The following SECISBP2 variants were observed in gnomAD, a reference collection of about 807,000 sequenced individuals.
SECISBP2 encodes the protein selenocysteine insertion sequence-binding protein 2.
Under a neutral mutation model 98.2 loss-of-function variants are expected in SECISBP2, and 96 were observed. The observed-to-expected ratio is 0.98, with a 90% confidence interval of 0.83 to 1.16. SECISBP2 has a LOEUF of 1.16. Ranked by LOEUF, SECISBP2 falls within the 50% of genes most tolerant of loss-of-function variation. The pLI, the probability that SECISBP2 is intolerant of heterozygous loss-of-function variation, is 0.00. For missense variants in SECISBP2, 1,046 were observed against 1,022.9 expected, an observed-to-expected ratio of 1.02 and a Z score of -0.31; for synonymous variants, 407 against 370.2, an observed-to-expected ratio of 1.10 and a Z score of -1.14.
downstream of SECISBP2, chr9:89,363,966 G>C: frequency 6.2e-7 from 1 of 1,614,010 alleles, no homozygotes; most frequent in East Asian, 2.2e-5. Context: ...GACACAGACC[G>C]TTTCCACCTC....
intron 4 of SECISBP2, among the ~76,000 whole-genome samples, chr9:89,326,666 A>G (rs1826757555): frequency 6.6e-6 from 1 of 152,202 alleles, no homozygotes. Context: ...ACTGATGGGG[A>G]CACATTCTGA....
Position 89,357,408 on chromosome 9 carries a change from C to G in SECISBP2, c.2114-3C>G. On this transcript the variant is annotated splice_region_variant and splice_polypyrimidine_tract_variant and intron_variant, in intron 14 of 16. Coordinates refer to ENST00000375807, the MANE Select transcript of SECISBP2 (RefSeq NM_024077.5). ...CTGTCATTTTTCATTGTCCTTTGAC[C>G]AGGTGGGCTGGATGACACTTTGCAC... 1 of 1,613,830 alleles carries G rather than the reference C, an allele frequency of 6.2e-7. No homozygotes were observed.
At chr9:89,351,981 G>C (rs1196681933) in intron 14 of SECISBP2, among the ~76,000 whole-genome samples, 1 of 152,214 alleles carries the variant, frequency 6.6e-6, no homozygotes, top group East Asian at 1.9e-4. Flanking sequence ...AACTCCACCT[G>C]TCAGCTGTTA....
At chr9:89,363,386 C>T, downstream of SECISBP2, 1 of 1,602,256 alleles carries the variant, frequency 6.2e-7, no homozygotes, top group Non-Finnish European at 8.5e-7. Context: ...GTGCCCTGCC[C>T]CTGGCTCCAG....
At chr9:89,325,145 T>G (rs1826467638) in intron 2 of SECISBP2, 5 of 426,490 alleles carry the variant, frequency 1.2e-5, no homozygotes, top group Non-Finnish European at 1.7e-5. Flanking sequence ...TCCCAAATAC[T>G]TGGTAGCAAT....
intron 5 of SECISBP2, 166 bp from the exon 6 acceptor site, chr9:89,332,742 T>C (rs1213107963): frequency 1.5e-6 from 1 of 657,690 alleles, no homozygotes; most frequent in East Asian, 2.7e-5. Flanking sequence ...TTGTAAGGAA[T>C]TGCTAAACTA....
At position 89,341,417 on chromosome 9, in the gene SECISBP2, C is replaced by T. The variant is rs267602309; in HGVS notation, c.1373C>T (p.Ala458Val). The T allele has an allele frequency of 2.2e-5, 35 of 1,613,918 alleles. No homozygotes were observed. The East Asian group carries it at 7.8e-4, about 36-fold the overall frequency. The stretch of plus-strand genomic sequence containing the variant: ...TTGGACTTGGGGGGCATGCTGACAG[C>T]CCTGGAGAAGAAGCAGCACTCTCAG... ...VQLDLGGMLT[A>V]LEKKQHSQHA... Residue 458 changes from alanine to valine, a missense_variant, in exon 10 of 17, where the codon GCC becomes GTC. Physicochemically the swap from Ala to Val is moderately conservative, Grantham distance 64 (BLOSUM62 0). Coordinates refer to ENST00000375807, the MANE Select transcript of SECISBP2 (RefSeq NM_024077.5).
At position 89,338,562 on chromosome 9, in the gene SECISBP2, A is replaced by G. The variant is rs752922711; in HGVS notation, c.1194A>G (p.Gln398=). The change falls in exon 8 of 17, where the codon CAA becomes CAG. Residue 398 remains glutamine (Q), a synonymous_variant. Transcript: ENST00000375807. ...STSKYEVLTV[Q]EPPRIEDAEE... is the part of the protein sequence containing the mutation. ...CAAAATATGAAGTCCTGACAGTTCAAGAGCCTCCAAGGATTGAAGTACATT... is the reference window on the plus strand; with the variant it reads ...CAAAATATGAAGTCCTGACAGTTCAGGAGCCTCCAAGGATTGAAGTACATT... The G allele has an allele frequency of 6.8e-6, 11 of 1,612,560 alleles. No individual in the cohort carries two copies. In the South Asian group the frequency reaches 9.9e-5, roughly 15 times the overall value.
At chr9:89,341,627 A>G in intron 10 of SECISBP2, 148 bp downstream of exon 10, 2 of 938,928 alleles carry the variant, frequency 2.1e-6, no homozygotes, top group South Asian at 3.2e-5. Flanking sequence ...TGTGGAATAG[A>G]ATTAAGAGTC....
chr9:89,319,358 G>A (rs1297164511), intron 1 of SECISBP2, among the ~76,000 whole-genome samples: 1 of 152,040 alleles, frequency 6.6e-6, no homozygotes, highest in African/African-American at 2.4e-5. Context: ...GTGAATCTGT[G>A]GTAAAAACAC....
chr9:89,339,844 G>A lies in SECISBP2; in HGVS notation c.1213-20G>A, dbSNP rs1373881219. 2.9e-5 allele frequency: 45 copies of A among 1,570,038 alleles called. No homozygotes were observed. Among genetic ancestry groups the A allele is most frequent in the Non-Finnish European group, 3.9e-5 (44 of 1,140,386 alleles). On this transcript the variant is annotated intron_variant, in intron 8 of 16. Transcript: ENST00000375807. The stretch of plus-strand genomic sequence containing the variant: ...TGTTTGCATTAACAAAAGAGCTAAA[G>A]GGGTGTGTGGTTTACTTAGGATGCC...
chr9:89,348,996 C>G (rs1830856053), intron 12 of SECISBP2, among the ~76,000 whole-genome samples: 1 of 152,246 alleles, frequency 6.6e-6, no homozygotes, highest in Non-Finnish European at 1.5e-5. Context: ...AGGACACAAG[C>G]ACTCGTTCCT....
intron 5 of SECISBP2, among the ~76,000 whole-genome samples, chr9:89,331,539 G>C (rs1352526547): frequency 6.6e-6 from 1 of 152,082 alleles, no homozygotes; most frequent in East Asian, 1.9e-4. Flanking sequence ...TTTTACCTCT[G>C]GTGTTAGTCA....
chr9:89,353,842 G>C (rs1432718835), intron 14 of SECISBP2, among the ~76,000 whole-genome samples: 1 of 152,166 alleles, frequency 6.6e-6, no homozygotes, highest in African/African-American at 2.4e-5. Context: ...GCATCATAAG[G>C]ATTTGTTGTA....
intron 13 of SECISBP2, 75 bp from the exon 14 acceptor site, chr9:89,350,557 C>T: frequency 7.6e-7 from 1 of 1,317,058 alleles, no homozygotes; most frequent in Non-Finnish European, 1.1e-6. Context: ...GTCTCTTCTC[C>T]CTGGGGTGGG....
chr9:89,335,226 A>C (rs1162258212), intron 7 of SECISBP2, among the ~76,000 whole-genome samples: 5 of 152,130 alleles, frequency 3.3e-5, no homozygotes, highest in African/African-American at 1.2e-4. Flanking sequence ...AAAAAAAAAA[A>C]AAAGTTAAGA....
rs1826562792 is a variant in SECISBP2 at position 89,325,627 on chromosome 9, GA to G, written c.386del (p.Asn129MetfsTer11). The G allele has an allele frequency of 6.2e-7, 1 of 1,614,000 alleles. No individual in the cohort carries two copies. The highest frequency in any genetic ancestry group is 1.3e-5 in the African/African-American group (1 of 74,894). On this transcript the variant is annotated frameshift_variant, in exon 3 of 17. Coordinates refer to ENST00000375807, the MANE Select transcript of SECISBP2 (RefSeq NM_024077.5). LOFTEE classifies it high-confidence loss of function. ...CGAGGTTTTCAAACAGTGAAGCATCGAAATGAGAACACATGCCCTCTCCCAC... is the reference window on the plus strand; with the variant it reads ...CGAGGTTTTCAAACAGTGAAGCATCGAATGAGAACACATGCCCTCTCCCAC... ...CYRGFQTVKH[R>X]NENTCPLPQE...
chr9:89,341,612 G>A, intron 10 of SECISBP2, 133 bp downstream of exon 10: 1 of 1,042,940 alleles, frequency 9.6e-7, no homozygotes, highest in Non-Finnish European at 1.4e-6. Flanking sequence ...GCATAGATAA[G>A]GACCTGTGGA....
chr9:89,320,075 G>C lies in SECISBP2; in HGVS notation c.182+278G>C, dbSNP rs192603935. ...TTTGTTAATAAGAAATGCAGTTTCA[G>C]GCCAGGCGCTGTGGCTCACGCCTGT... On this transcript the variant is annotated intron_variant, in intron 2 of 16. Transcript: ENST00000375807. 8.5e-4 allele frequency among the ~76,000 whole-genome samples: 130 copies of C among 152,250 alleles called. No individual in the cohort carries two copies. In the Middle Eastern group the frequency reaches 0.01, roughly 12 times the overall value.
Sources: allele counts gnomAD v4.1 joint callset (sites outside exome capture counted in the v4.1 genomes callset), GRCh38; gene constraint gnomAD v4.1.1; transcripts MANE v1.5; gene names NCBI Gene and HGNC (gene_info 2026-07-23, HGNC 2026-07-21).